Variants in ROMO1 observed in about 807,000 individuals in gnomAD.
The protein encoded by ROMO1 is PCM19.
Under a neutral mutation model 7.4 loss-of-function variants are expected in ROMO1, and 8 were observed. That is an observed-to-expected ratio of 1.08 (90% CI 0.63 to 1.95). The LOEUF is 1.95. ROMO1 is among the 30% of genes most tolerant of loss of function. The pLI, the probability that ROMO1 is intolerant of heterozygous loss-of-function variation, is 0.00. For synonymous variants in ROMO1, 43 were observed against 41.4 expected (o/e 1.04, Z -0.15); for missense variants, 91 against 115.9 (o/e 0.79, Z 0.99).
At position 35,699,571 on chromosome 20, in the gene ROMO1, G is replaced by A. The variant is rs2035213910; in HGVS notation, c.1-62G>A. The A allele has an allele frequency of 6.2e-7, 1 of 1,600,064 alleles. No homozygotes were observed. The highest frequency in any genetic ancestry group is 8.5e-7 in the Non-Finnish European group (1 of 1,177,814). Reference sequence around the variant, plus strand: ...CCTTGGGCCCACTTCCCAGCCTACCGCTTCCGTCCCCGCCCGACTCTTGGG... The same window carrying A: ...CCTTGGGCCCACTTCCCAGCCTACCACTTCCGTCCCCGCCCGACTCTTGGG... On this transcript the variant is annotated intron_variant, in intron 1 of 2. Transcript: ENST00000374077. This position sits in a 1 kb window ranked among gnomAD's most constrained non-coding sequence, Gnocchi z 4.4.
Position 35,699,835 on chromosome 20 carries a change from C to T in ROMO1, c.131+72C>T, listed in dbSNP as rs2035222138. 13 of 1,515,200 alleles carry T rather than the reference C, an allele frequency of 8.6e-6. No homozygotes were observed. The highest frequency in any genetic ancestry group is 1.8e-4 in the Middle Eastern group (1 of 5,706). The allele number at this position is 1,515,200 out of a possible 1,614,324, so 93.9% of individuals were successfully genotyped here. ...CGGCCCTGCCCCATTCGGCCTGGAG[C>T]CTGAACACAGCCTCCTTCTTTCGAC... is the stretch of plus-strand genomic sequence containing the variant. On this transcript the variant is annotated intron_variant, in intron 2 of 2. Coordinates refer to ENST00000374077, the MANE Select transcript of ROMO1 (RefSeq NM_080748.3). This position sits in a 1 kb window ranked among gnomAD's most constrained non-coding sequence, Gnocchi z 4.4.
Position 35,700,891 on chromosome 20 carries a change from G to A in ROMO1, c.225G>A (p.Met75Ile). 1 of 1,613,356 alleles carries A rather than the reference G, an allele frequency of 6.2e-7. No homozygotes were observed. Among genetic ancestry groups the A allele is most frequent in the Non-Finnish European group, 8.5e-7 (1 of 1,179,298 alleles). ...TTGGCACATTCATGGCCATTGGGATGGGCATCCGATGCTAACCATGGTTGC... is the reference window on the plus strand; with the variant it reads ...TTGGCACATTCATGGCCATTGGGATAGGCATCCGATGCTAACCATGGTTGC... ...GTFGTFMAIG[M>I]GIRC is the part of the protein sequence containing the mutation. Residue 75 changes from methionine to isoleucine, a missense_variant, in exon 3 of 3, where the codon ATG becomes ATA. Transcript: ENST00000374077.
At position 35,699,521 on chromosome 20, in the gene ROMO1, T is replaced by G; in HGVS notation, c.-1+65T>G. 1 of 1,476,578 alleles carries G rather than the reference T, an allele frequency of 6.8e-7. No homozygotes were observed. The highest frequency in any genetic ancestry group is 1.2e-5 in the South Asian group (1 of 82,170). 91.5% of individuals were successfully genotyped at this position (1,476,578 alleles called of 1,614,324 possible). A position where few individuals can be genotyped will look rare whatever the true frequency, so the allele number is the denominator to read the frequency against. ...TGGTGGAGTCGGGCTACCCACTGAT[T>G]TTCCTTCCCTTACTTCCCCTGAGCC... On this transcript the variant is annotated intron_variant, in intron 1 of 2. Transcript: ENST00000374077. The surrounding 1 kb of genome is among the most constrained non-coding windows in gnomAD (Gnocchi z 4.4).
rs73905935 is a variant in ROMO1 at position 35,699,657 on chromosome 20, G to A, written c.25G>A (p.Gly9Arg). Residue 9 changes from glycine (G) to arginine (R), a missense_variant, in exon 2 of 3, where the codon GGA becomes AGA. Gly to Arg is a moderately radical substitution (Grantham distance 125). Coordinates refer to ENST00000374077, the MANE Select transcript of ROMO1 (RefSeq NM_080748.3). The surrounding 1 kb of genome is among the most constrained non-coding windows in gnomAD (Gnocchi z 4.4). The part of the protein sequence containing the change: MPVAVGPY[G>R]QSQPSCFDRV... ...GATGCCGGTGGCCGTGGGTCCCTACGGACAGTCCCAGCCAAGCTGCTTCGA... is the reference window on the plus strand; with the variant it reads ...GATGCCGGTGGCCGTGGGTCCCTACAGACAGTCCCAGCCAAGCTGCTTCGA... 1,187 of 1,613,556 alleles carry A rather than the reference G, an allele frequency of 7.4e-4. 9 individuals carry two copies. The African/African-American group carries it at 0.013, about 17-fold the overall frequency.
At position 35,699,829 on chromosome 20, in the gene ROMO1, C is replaced by G; in HGVS notation, c.131+66C>G. 6.5e-7 allele frequency: 1 copy of G among 1,539,132 alleles called. No homozygotes were observed. Among genetic ancestry groups the G allele is most frequent in the Admixed American group, 1.9e-5 (1 of 53,242 alleles). ...ACCTTCCGGCCCTGCCCCATTCGGC[C>G]TGGAGCCTGAACACAGCCTCCTTCT... is the stretch of plus-strand genomic sequence containing the variant. On this transcript the variant is annotated intron_variant, in intron 2 of 2. Coordinates refer to ENST00000374077, the MANE Select transcript of ROMO1 (RefSeq NM_080748.3). The surrounding 1 kb of genome is among the most constrained non-coding windows in gnomAD (Gnocchi z 4.4).
chr20:35,700,972 C>CT lies in ROMO1; in HGVS notation c.*69dup, dbSNP rs914920887. ...AGCCCATGTACTAATAAAAGAAAGT[C>CT]TTTGAGTAGTCAGTGTCCCTCTCTT... On this transcript the variant is annotated 3_prime_UTR_variant, in exon 3 of 3. Coordinates refer to ENST00000374077, the MANE Select transcript of ROMO1 (RefSeq NM_080748.3). The CT allele has an allele frequency of 1.1e-4, 127 of 1,135,698 alleles. No individual in the cohort carries two copies. In the Admixed American group the frequency reaches 1.5e-3, roughly 14 times the overall value. 70.4% of individuals were successfully genotyped at this position (1,135,698 alleles called of 1,614,324 possible). A position where few individuals can be genotyped will look rare whatever the true frequency, so the allele number is the denominator to read the frequency against.
In ROMO1 at chr20:35,699,528, C is replaced by T. The variant is rs546977650; in HGVS notation, c.-1+72C>T. 4.0e-6 allele frequency: 6 copies of T among 1,496,366 alleles called. No homozygotes were observed. In the African/African-American group the frequency reaches 6.9e-5, roughly 17 times the overall value. The allele number at this position is 1,496,366 out of a possible 1,614,324, so 92.7% of individuals were successfully genotyped here. ...GTCGGGCTACCCACTGATTTTCCTT[C>T]CCTTACTTCCCCTGAGCCCTTGGGC... On this transcript the variant is annotated intron_variant, in intron 1 of 2. Transcript: ENST00000374077. The surrounding 1 kb of genome is among the most constrained non-coding windows in gnomAD (Gnocchi z 4.4).
Position 35,699,485 on chromosome 20 carries a change from C to A in ROMO1, c.-1+29C>A. The A allele has an allele frequency of 7.9e-7, 1 of 1,273,664 alleles. No homozygotes were observed. Among genetic ancestry groups the A allele is most frequent in the Non-Finnish European group, 1.1e-6 (1 of 926,194 alleles). 78.9% of individuals were successfully genotyped at this position (1,273,664 alleles called of 1,614,324 possible). On this transcript the variant is annotated intron_variant, in intron 1 of 2. Coordinates refer to ENST00000374077, the MANE Select transcript of ROMO1 (RefSeq NM_080748.3). This position sits in a 1 kb window ranked among gnomAD's most constrained non-coding sequence, Gnocchi z 4.4. ...GGCGCCGGGCGACGCGGGGCCGGAACGCGAAGAGGGTGGTGGAGTCGGGCT... is the reference window on the plus strand; with the variant it reads ...GGCGCCGGGCGACGCGGGGCCGGAAAGCGAAGAGGGTGGTGGAGTCGGGCT...
At position 35,699,477 on chromosome 20, in the gene ROMO1, GGCCGGAAC is replaced by G. The variant is rs1025303535; in HGVS notation, c.-1+24_-1+31del. ...GTGAGGTAGGCGCCGGGCGACGCGGGGCCGGAACGCGAAGAGGGTGGTGGAGTCGGGCT... is the reference window on the plus strand; with the variant it reads ...GTGAGGTAGGCGCCGGGCGACGCGGGGCGAAGAGGGTGGTGGAGTCGGGCT... On this transcript the variant is annotated intron_variant, in intron 1 of 2. Coordinates refer to ENST00000374077, the MANE Select transcript of ROMO1 (RefSeq NM_080748.3). The surrounding 1 kb of genome is among the most constrained non-coding windows in gnomAD (Gnocchi z 4.4). 1.3e-5 allele frequency: 16 copies of G among 1,244,022 alleles called. No homozygotes were observed. The Admixed American group carries it at 2.2e-4, about 17-fold the overall frequency. 77.1% of individuals were successfully genotyped at this position (1,244,022 alleles called of 1,614,324 possible). A position where few individuals can be genotyped will look rare whatever the true frequency, so the allele number is the denominator to read the frequency against.
chr20:35,700,320 T>C (rs1268634879), intron 2 of ROMO1, among the ~76,000 whole-genome samples: 9 of 152,192 alleles, frequency 5.9e-5, no homozygotes, highest in South Asian at 4.1e-4. Flanking sequence ...ACAGAGCACT[T>C]ACTCTATGTT....
chr20:35,700,182 C>G (rs1329129430), intron 2 of ROMO1, among the ~76,000 whole-genome samples: 2 of 151,978 alleles, frequency 1.3e-5, no homozygotes, highest in Non-Finnish European at 2.9e-5. Flanking sequence ...AGGAAAGAAA[C>G]TCGTTCAGCG....
rs1427783408 is a variant in ROMO1, at chr20:35,699,622, AT to A, written c.1-10del. ...CCAGCGCCTGGGCCCACACTTTCCT[AT>A]CCCCCGCAGATGCCGGTGGCCGTGG... is the stretch of plus-strand genomic sequence containing the variant. On this transcript the variant is annotated splice_polypyrimidine_tract_variant and intron_variant, in intron 1 of 2. Transcript: ENST00000374077. The surrounding 1 kb of genome is among the most constrained non-coding windows in gnomAD (Gnocchi z 4.4). The A allele has an allele frequency of 1.2e-6, 2 of 1,611,902 alleles. No individual in the cohort carries two copies. Among genetic ancestry groups the A allele is most frequent in the Non-Finnish European group, 1.7e-6 (2 of 1,179,910 alleles).
intron 2 of ROMO1, 172 bp from the exon 3 acceptor site, chr20:35,700,626 G>C (rs960067013): frequency 3.0e-5 from 19 of 630,194 alleles, no homozygotes; most frequent in Non-Finnish European, 8.7e-6. Context: ...GACCCAGATG[G>C]ATCTTTTTCC....
chr20:35,699,668 G>T lies in ROMO1; in HGVS notation c.36G>T (p.Gln12His). ...PVAVGPYGQS[Q>H]PSCFDRVKMG... is the part of the protein sequence containing the mutation. ...CCGTGGGTCCCTACGGACAGTCCCA[G>T]CCAAGCTGCTTCGACCGTGTCAAAA... The change falls in exon 2 of 3, where the codon CAG becomes CAT. Residue 12 changes from glutamine to histidine, a missense_variant. Physicochemically the swap from Gln to His is conservative, Grantham distance 24 (BLOSUM62 0). Transcript: ENST00000374077. This position sits in a 1 kb window ranked among gnomAD's most constrained non-coding sequence, Gnocchi z 4.4. The T allele has an allele frequency of 6.2e-7, 1 of 1,613,722 alleles. No homozygotes were observed.
At position 35,700,857 on chromosome 20, in the gene ROMO1, G is replaced by A; in HGVS notation, c.191G>A (p.Gly64Asp). 6.2e-7 allele frequency: 1 copy of A among 1,614,228 alleles called. No homozygotes were observed. Among genetic ancestry groups the A allele is most frequent in the Non-Finnish European group, 8.5e-7 (1 of 1,180,038 alleles). ...GGIGKTMMQS[G>D]GTFGTFMAIG... ...ATTGGGAAAACCATGATGCAGAGTG[G>A]CGGCACCTTTGGCACATTCATGGCC... Residue 64 changes from glycine to aspartate, a missense_variant, in exon 3 of 3, where the codon GGC becomes GAC. Gly to Asp is a moderately conservative substitution (Grantham distance 94). Transcript: ENST00000374077.
rs1239343476 is a variant in ROMO1 at position 35,699,644 on chromosome 20, C to T, written c.12C>T (p.Ala4=). 1.2e-6 allele frequency: 2 copies of T among 1,613,322 alleles called. No individual in the cohort carries two copies. Among genetic ancestry groups the T allele is most frequent in the Non-Finnish European group, 8.5e-7 (1 of 1,179,986 alleles). The change falls in exon 2 of 3, where the codon GCC becomes GCT. Residue 4 remains alanine, a synonymous_variant. Coordinates refer to ENST00000374077, the MANE Select transcript of ROMO1 (RefSeq NM_080748.3). This position sits in a 1 kb window ranked among gnomAD's most constrained non-coding sequence, Gnocchi z 4.4. The part of the protein sequence containing the change: MPV[A]VGPYGQSQPS... ...CCTATCCCCCGCAGATGCCGGTGGC[C>T]GTGGGTCCCTACGGACAGTCCCAGC...
At chr20:35,700,667 T>C in intron 2 of ROMO1, 131 bp from the exon 3 acceptor site, 2 of 711,800 alleles carry the variant, frequency 2.8e-6, no homozygotes, top group Non-Finnish European at 2.6e-6. Flanking sequence ...TAGTAAGATA[T>C]AATATCCAGT....
At chr20:35,700,201 A>G (rs1483430914) in intron 2 of ROMO1, among the ~76,000 whole-genome samples, 1 of 152,086 alleles carries the variant, frequency 6.6e-6, no homozygotes, top group African/African-American at 2.4e-5. Context: ...CGGTTTTACT[A>G]TTCTGGATAC....
At chr20:35,700,335 A>T (rs904870612) in intron 2 of ROMO1, among the ~76,000 whole-genome samples, 4 of 152,170 alleles carry the variant, frequency 2.6e-5, no homozygotes, top group Non-Finnish European at 5.9e-5. Context: ...TATGTTAAGC[A>T]CTGTGCTAAA....
Sources: allele counts gnomAD v4.1 joint callset (sites outside exome capture counted in the v4.1 genomes callset), GRCh38; gene constraint gnomAD v4.1.1; non-coding constraint Gnocchi (gnomAD v3.1); transcripts MANE v1.5; gene names NCBI Gene and HGNC (gene_info 2026-07-23, HGNC 2026-07-21).